KIFC3: variants seen among roughly 807,000 people sequenced by gnomAD.
The protein encoded by KIFC3 is kinesin-like protein KIFC3.
KIFC3 carries 60 observed loss-of-function variants against 101.8 expected under a neutral mutation model. The observed-to-expected ratio is 0.59, with a 90% CI of 0.48 to 0.73. KIFC3 has a LOEUF of 0.73. Among genes scored for constraint, KIFC3 ranks in the 30% least tolerant of loss-of-function variants. The pLI is 0.00. For synonymous variants in KIFC3, 476 were observed against 482.7 expected (o/e 0.99, Z 0.18); for missense variants, 966 against 1,137.1 (o/e 0.85, Z 2.16).
Position 57,798,100 on chromosome 16 carries a change from TG to T in KIFC3, c.143del (p.Pro48HisfsTer8). 6.3e-7 allele frequency: 1 copy of T among 1,591,770 alleles called. No homozygotes were observed. ...TTCTCAACCTCCCCGGGCCGGTGTG[TG>T]GGAAAGGGCGGGCGGCCGGGCTGGC... ...APASPAARPF[P>X]HTGPGRLRTG... On this transcript the variant is annotated frameshift_variant, in exon 2 of 20. Transcript: ENST00000445690. LOFTEE classifies it high-confidence loss of function.
chr16:57,775,199 G>T, intron 3 of KIFC3: 1 of 1,335,662 alleles, frequency 7.5e-7, no homozygotes, highest in Non-Finnish European at 9.6e-7. Flanking sequence ...GGCCGCAACC[G>T]CAACCAGGGC....
chr16:57,788,717 C>G, intron 3 of KIFC3: 1 of 1,289,494 alleles, frequency 7.8e-7, no homozygotes. Context: ...GGGCCTGCTG[C>G]CAAGACACAA....
chr16:57,821,374 G>C (rs782259689), intron 1 of KIFC3, among the ~76,000 whole-genome samples: 41 of 152,166 alleles, frequency 2.7e-4, no homozygotes, highest in Non-Finnish European at 5.0e-4. Context: ...TTTGCGCAGG[G>C]ACAGGAAGCA....
rs76319859 is a variant in KIFC3, at chr16:57,852,607, C to T, written c.108+10122G>A. Among the ~76,000 whole-genome samples, 1,138 of 152,190 alleles carry T rather than the reference C, an allele frequency of 7.5e-3. 14 individuals are homozygous for T. Among genetic ancestry groups the T allele is most frequent in the African/African-American group, 0.027 (1,102 of 41,526 alleles). The stretch of plus-strand genomic sequence containing the variant: ...CTTATGGATTTTTACTTTTTAAATC[C>T]TTTACAATCATTTCATTTGGGTTCA... On this transcript the variant is annotated intron_variant, in intron 1 of 2. Coordinates refer to the KIFC3 transcript ENST00000563028.
In KIFC3 at chr16:57,857,785, C is replaced by CT. The variant is rs1174564433; in HGVS notation, c.108+4943dup. ...TGTATATGTGCCACATTTTCTTTTTCTTTTTTTTTTTATTTCTTTTCTTTC... is the reference window on the plus strand; with the variant it reads ...TGTATATGTGCCACATTTTCTTTTTCTTTTTTTTTTTTATTTCTTTTCTTTC... On this transcript the variant is annotated intron_variant, in intron 1 of 2. Coordinates refer to the KIFC3 transcript ENST00000563028. 6.6e-3 allele frequency among the ~76,000 whole-genome samples: 768 copies of CT among 117,144 alleles called. 20 individuals carry two copies. The highest frequency in any genetic ancestry group is 0.056 in the South Asian group (198 of 3,534). The allele number at this position is 117,144 out of a possible 152,430, so 76.9% of individuals were successfully genotyped here. A position where few individuals can be genotyped will look rare whatever the true frequency, so the allele number is the denominator to read the frequency against.
intron 3 of KIFC3, among the ~76,000 whole-genome samples, chr16:57,786,780 C>T (rs565311037): frequency 6.6e-6 from 1 of 152,184 alleles, no homozygotes; most frequent in East Asian, 1.9e-4. Flanking sequence ...ACCCCTCTGA[C>T]AGCCTGGCCT....
intron 3 of KIFC3, 54 bp from the exon 4 acceptor site, chr16:57,772,342 C>T (rs1296921390): frequency 2.1e-5 from 31 of 1,488,724 alleles, no homozygotes; most frequent in African/African-American, 4.1e-5. Context: ...CTCCAGCCTA[C>T]ACCCAGGCCT....
chr16:57,775,447 AGAT>A, intron 3 of KIFC3: 1 of 1,008,670 alleles, frequency 9.9e-7, no homozygotes, highest in Non-Finnish European at 1.2e-6. Context: ...CTTGTAGGGA[AGAT>A]GTCTGCTTTC....
intron 13 of KIFC3, 126 bp from the exon 14 acceptor site, chr16:57,761,662 C>A: frequency 9.8e-7 from 1 of 1,021,966 alleles, no homozygotes; most frequent in East Asian, 2.4e-5. Context: ...CAGCTGAGTG[C>A]ATCTCTCCTC....
rs565003426 is a variant in KIFC3, at chr16:57,759,889, A to G, written c.2368-53T>C. On this transcript the variant is annotated intron_variant, in intron 17 of 19. Coordinates refer to ENST00000445690, the MANE Select transcript of KIFC3 (RefSeq NM_001130100.2). The stretch of plus-strand genomic sequence containing the variant: ...GGGGCCACGGCTGCCCTGGCTCCCC[A>G]CCCTGCTGTGCTTCTCTCTACTCCC... 3.2e-4 allele frequency: 446 copies of G among 1,388,836 alleles called. 1 individual carries two copies. In the African/African-American group the frequency reaches 5.8e-3, roughly 18 times the overall value. The allele number at this position is 1,388,836 out of a possible 1,614,324, so 86.0% of individuals were successfully genotyped here.
intron 1 of KIFC3, among the ~76,000 whole-genome samples, chr16:57,858,756 G>T (rs1195101819): frequency 6.6e-6 from 1 of 152,082 alleles, no homozygotes; most frequent in African/African-American, 2.4e-5. Flanking sequence ...AGACCAGCCT[G>T]GCCAACACGG....
intron 1 of KIFC3, among the ~76,000 whole-genome samples, chr16:57,820,639 T>C (rs1352827031): frequency 6.6e-6 from 1 of 152,224 alleles, no homozygotes; most frequent in Non-Finnish European, 1.5e-5. Flanking sequence ...CTGGTTTATT[T>C]CCTTCATTGC....
intron 7 of KIFC3, among the ~76,000 whole-genome samples, chr16:57,770,197 C>T (rs987272821): frequency 6.6e-6 from 1 of 152,252 alleles, no homozygotes; most frequent in Non-Finnish European, 1.5e-5. Flanking sequence ...CACGTGCCCT[C>T]AGGAAGGTAG....
intron 3 of KIFC3, chr16:57,776,471 C>T (rs1598011307): frequency 1.3e-5 from 12 of 932,056 alleles, no homozygotes; most frequent in East Asian, 2.3e-4. Flanking sequence ...GGTTCTAATC[C>T]AGACATCCCC....
In KIFC3 at chr16:57,858,722, G is replaced by A. The variant is rs112082621; in HGVS notation, c.108+4007C>T. On this transcript the variant is annotated intron_variant, in intron 1 of 2. Coordinates refer to the KIFC3 transcript ENST00000563028. ...AGCACTTTGGGAGGCTGAGGTGGAC[G>A]GATCACTTGAGGTCAGGAGGTCAAG... 7.3e-3 allele frequency among the ~76,000 whole-genome samples: 1,111 copies of A among 152,190 alleles called. 5 individuals are homozygous for A. The highest frequency in any genetic ancestry group is 0.014 in the Middle Eastern group (4 of 294).
At chr16:57,859,694 T>A (rs1352051441) in intron 1 of KIFC3, among the ~76,000 whole-genome samples, 1 of 152,026 alleles carries the variant, frequency 6.6e-6, no homozygotes, top group Non-Finnish European at 1.5e-5. Context: ...CAAAGGGAAC[T>A]GTTAGTTTCA....
chr16:57,786,552 G>A (rs970039613), intron 3 of KIFC3, among the ~76,000 whole-genome samples: 13 of 152,236 alleles, frequency 8.5e-5, no homozygotes, highest in Admixed American at 3.3e-4. Context: ...TGGGGGGTTT[G>A]CCTCCTCCCC....
intron 3 of KIFC3, among the ~76,000 whole-genome samples, chr16:57,791,776 A>G (rs1008139736): frequency 1.1e-4 from 17 of 152,322 alleles, no homozygotes; most frequent in Admixed American, 9.1e-4. Flanking sequence ...CTGCCTTCCA[A>G]TTTAACTACA....
rs144177884 is a variant in KIFC3 at position 57,771,636 on chromosome 16, C to T, written c.432G>A (p.Glu144=). 137 of 1,613,182 alleles carry T rather than the reference C, an allele frequency of 8.5e-5. No homozygotes were observed. The highest frequency in any genetic ancestry group is 1.1e-4 in the Non-Finnish European group (132 of 1,179,946). Residue 144 remains glutamate (E), a synonymous_variant, in exon 5 of 20, where the codon GAG becomes GAA. Coordinates refer to ENST00000445690, the MANE Select transcript of KIFC3 (RefSeq NM_001130100.2). ...AGCGCCGCATCTCCTGCCTCAGTCG[C>T]TCATTCTCCACCATCAGCAGGTCCC... ...KHRDLLMVEN[E]RLRQEMRRCE...
Sources: allele counts gnomAD v4.1 joint callset (sites outside exome capture counted in the v4.1 genomes callset), GRCh38; gene constraint gnomAD v4.1.1; transcripts MANE v1.5; gene names NCBI Gene and HGNC (gene_info 2026-07-23, HGNC 2026-07-21).